Variants in UPK1B observed in about 807,000 individuals in gnomAD.
UPK1B encodes the protein uroplakin-1b.
Under a neutral mutation model 34.2 loss-of-function variants are expected in UPK1B, and 28 were observed. The observed-to-expected ratio is 0.82, with a 90% CI of 0.61 to 1.12. The LOEUF (loss-of-function observed/expected upper bound fraction) is 1.12, where lower values mean the gene tolerates loss of function less well. UPK1B is among the 50% of genes most tolerant of loss of function. UPK1B has a pLI of 0.00. For synonymous variants in UPK1B, 81 were observed against 110.4 expected, an observed-to-expected ratio of 0.73 and a Z score of 1.67; for missense variants, 325 against 320.9, an observed-to-expected ratio of 1.01 and a Z score of -0.10.
At chr3:119,202,282 G>A (rs1210937058) in intron 7 of UPK1B, among the ~76,000 whole-genome samples, 2 of 152,160 alleles carry the variant, frequency 1.3e-5, no homozygotes, top group African/African-American at 2.4e-5. Flanking sequence ...CTTGCAAGGG[G>A]CTTTTTCTTA....
At chr3:119,187,080 T>C (rs2078022437) in intron 2 of UPK1B, among the ~76,000 whole-genome samples, 1 of 152,222 alleles carries the variant, frequency 6.6e-6, no homozygotes, top group Non-Finnish European at 1.5e-5. Context: ...GTCTAAACAC[T>C]CTGACTACGA....
At position 119,194,278 on chromosome 3, in the gene UPK1B, G is replaced by C; in HGVS notation, c.528G>C (p.Arg176=). Residue 176 remains arginine, a synonymous_variant, in exon 6 of 8, where the codon CGG becomes CGC. Coordinates refer to ENST00000264234, the MANE Select transcript of UPK1B (RefSeq NM_006952.4). ...SDWQKYTSAF[R]TENNDADYPW... ...GGCAAAAATACACATCTGCCTTCCG[G>C]ACTGAGAATAATGATGCTGACTATC... 1 of 1,614,040 alleles carries C rather than the reference G, an allele frequency of 6.2e-7. No homozygotes were observed. Among genetic ancestry groups the C allele is most frequent in the Non-Finnish European group, 8.5e-7 (1 of 1,179,928 alleles).
intron 2 of UPK1B, among the ~76,000 whole-genome samples, chr3:119,187,245 T>C (rs1387131284): frequency 1.3e-5 from 2 of 152,142 alleles, no homozygotes; most frequent in Non-Finnish European, 2.9e-5. Context: ...ACTGTGTGGG[T>C]CTGGTGGCAT....
chr3:119,178,191 T>G (rs1165956458), intron 1 of UPK1B, among the ~76,000 whole-genome samples: 3 of 152,216 alleles, frequency 2.0e-5, no homozygotes, highest in African/African-American at 7.2e-5. Flanking sequence ...ATCTCTTAGG[T>G]GGTCCAACCA....
chr3:119,199,202 T>C, intron 7 of UPK1B, 62 bp downstream of exon 7: 1 of 1,563,308 alleles, frequency 6.4e-7, no homozygotes, highest in South Asian at 1.1e-5. Flanking sequence ...ACCTTGAGAG[T>C]GCCACTGGTT....
intron 6 of UPK1B, among the ~76,000 whole-genome samples, chr3:119,196,852 TTTTG>T (rs931595005): frequency 1.3e-5 from 2 of 152,038 alleles, no homozygotes; most frequent in African/African-American, 2.4e-5. Flanking sequence ...TTTTGTTTTG[TTTTG>T]TTTGAGAGAC....
At chr3:119,179,374 T>TATATATAC (rs2077975628) in intron 1 of UPK1B, among the ~76,000 whole-genome samples, 1 of 72,680 alleles carries the variant, frequency 1.4e-5, no homozygotes, top group Admixed American at 1.4e-4. Context: ...TATATATATA[T>TATATATAC]ATATATATAT....
intron 6 of UPK1B, 106 bp from the exon 7 acceptor site, chr3:119,198,951 C>T: frequency 7.8e-7 from 1 of 1,274,722 alleles, no homozygotes. Context: ...TATGTGAAAT[C>T]AGAATTTTGA....
At chr3:119,175,740 T>C (rs776898184) in intron 1 of UPK1B, among the ~76,000 whole-genome samples, 12 of 152,162 alleles carry the variant, frequency 7.9e-5, no homozygotes, top group Non-Finnish European at 1.8e-4. Context: ...TAAAACTTTC[T>C]GTGATGAGGG....
intron 1 of UPK1B, among the ~76,000 whole-genome samples, chr3:119,185,614 A>T (rs2078014520): frequency 6.6e-6 from 1 of 152,216 alleles, no homozygotes; most frequent in African/African-American, 2.4e-5. Flanking sequence ...GTGGGAATGC[A>T]TCTTAGTTTC....
At chr3:119,193,976 C>T (rs1031985463) in intron 5 of UPK1B, among the ~76,000 whole-genome samples, 3 of 152,142 alleles carry the variant, frequency 2.0e-5, no homozygotes, top group Admixed American at 6.6e-5. Context: ...GTTTAAGTAA[C>T]ATGTCAATGG....
chr3:119,174,449 A>AT (rs2077943226), intron 1 of UPK1B, among the ~76,000 whole-genome samples: 1 of 152,212 alleles, frequency 6.6e-6, no homozygotes, highest in African/African-American at 2.4e-5. Flanking sequence ...AGTTTTAAAG[A>AT]TTTTTAAGCC....
At chr3:119,176,300 T>C (rs2107569823) in intron 1 of UPK1B, among the ~76,000 whole-genome samples, 1 of 152,358 alleles carries the variant, frequency 6.6e-6, no homozygotes, top group Non-Finnish European at 1.5e-5. Context: ...AATGATCTCA[T>C]GCTTACTGGG....
intron 7 of UPK1B, among the ~76,000 whole-genome samples, chr3:119,203,277 C>T (rs1323793344): frequency 1.5e-5 from 2 of 134,470 alleles, no homozygotes; most frequent in East Asian, 2.3e-4. Flanking sequence ...GGAGGCGGAG[C>T]TTGCAGTGAG....
intron 1 of UPK1B, among the ~76,000 whole-genome samples, chr3:119,183,857 A>G (rs1300893857): frequency 2.6e-5 from 4 of 152,186 alleles, no homozygotes; most frequent in South Asian, 2.1e-4. Flanking sequence ...TTTCATCACT[A>G]TTTCCTTATC....
At chr3:119,189,215 G>T (rs1368429459) in intron 3 of UPK1B, among the ~76,000 whole-genome samples, 1 of 152,190 alleles carries the variant, frequency 6.6e-6, no homozygotes, top group Non-Finnish European at 1.5e-5. Context: ...CAAGGCAGCA[G>T]CTAACACAGG....
At chr3:119,193,777 C>T (rs1021464416) in intron 5 of UPK1B, among the ~76,000 whole-genome samples, 1 of 151,892 alleles carries the variant, frequency 6.6e-6, no homozygotes, top group Admixed American at 6.6e-5. Context: ...AATAATTATT[C>T]CTCTCTCACA....
intron 5 of UPK1B, among the ~76,000 whole-genome samples, chr3:119,193,083 T>A (rs2078051220): frequency 6.6e-6 from 1 of 152,230 alleles, no homozygotes; most frequent in Admixed American, 6.5e-5. Flanking sequence ...TGTCCTCATC[T>A]TCTTTGACAT....
chr3:119,199,080 T>C lies in UPK1B; in HGVS notation c.672T>C (p.Gly224=). 1 of 1,614,182 alleles carries C rather than the reference T, an allele frequency of 6.2e-7. No individual in the cohort carries two copies. The highest frequency in any genetic ancestry group is 8.5e-7 in the Non-Finnish European group (1 of 1,180,010). Residue 224 remains glycine (G), a synonymous_variant, in exon 7 of 8, where the codon GGT becomes GGC. Transcript: ENST00000264234. ...HNQGCYELIS[G]PMNRHAWGVA... The stretch of plus-strand genomic sequence containing the variant: ...AGGGCTGCTATGAACTGATCTCTGG[T>C]CCAATGAACCGACACGCCTGGGGGG...
Sources: allele counts gnomAD v4.1 joint callset (sites outside exome capture counted in the v4.1 genomes callset), GRCh38; gene constraint gnomAD v4.1.1; transcripts MANE v1.5; gene names NCBI Gene and HGNC (gene_info 2026-07-23, HGNC 2026-07-21).